Variants in CFAP61 observed in about 807,000 individuals in gnomAD.
The protein encoded by CFAP61 is cilia and flagella associated protein 61.
In CFAP61, 107 loss-of-function variants were observed where a neutral mutation model predicts 135.6. The observed-to-expected ratio is 0.79, with a 90% CI of 0.67 to 0.93. The LOEUF is 0.93. Among genes scored for constraint, CFAP61 ranks in the 40% least tolerant of loss-of-function variants. The pLI, the probability that CFAP61 is intolerant of heterozygous loss-of-function variation, is 0.00. For missense variants in CFAP61, 1,507 were observed against 1,556.2 expected (o/e 0.97, Z 0.53); for synonymous variants, 575 against 578.5 (o/e 0.99, Z 0.09).
intron 8 of CFAP61, among the ~76,000 whole-genome samples, chr20:20,116,395 T>G (rs2049142862): frequency 6.6e-6 from 1 of 152,218 alleles, no homozygotes; most frequent in South Asian, 2.1e-4. Flanking sequence ...TTCACTTTGT[T>G]GATTGTCTCC....
chr20:20,069,246 T>C (rs1356507467), intron 2 of CFAP61, among the ~76,000 whole-genome samples: 2 of 152,308 alleles, frequency 1.3e-5, no homozygotes, highest in South Asian at 2.1e-4. Flanking sequence ...ACAAATAGTA[T>C]AGGTTGTGAG....
rs758593564 is a variant in CFAP61 at position 20,164,165 on chromosome 20, A to G, written c.1142A>G (p.Tyr381Cys). ...PEEPVHFRPI[Y>C]RGASAAFCIQ... ...GAGCCCGTCCACTTCCGCCCCATCT[A>G]CAGGGGAGCCTCAGCTGCTTTTTGT... Residue 381 changes from tyrosine to cysteine, a missense_variant, in exon 11 of 27, where the codon TAC (tyrosine) becomes TGC (cysteine). Tyr to Cys is a radical substitution (Grantham distance 194). Coordinates refer to ENST00000245957, the MANE Select transcript of CFAP61 (RefSeq NM_015585.4). 1.9e-6 allele frequency: 3 copies of G among 1,614,112 alleles called. No individual in the cohort carries two copies. Among genetic ancestry groups the G allele is most frequent in the African/African-American group, 1.3e-5 (1 of 75,058 alleles).
At chr20:20,252,905 C>T (rs1426900209) in intron 20 of CFAP61, among the ~76,000 whole-genome samples, 1 of 152,188 alleles carries the variant, frequency 6.6e-6, no homozygotes, top group African/African-American at 2.4e-5. Context: ...TAGGCTCCGC[C>T]CCCAGAGGTT....
chr20:20,266,773 A>C (rs938528010), intron 21 of CFAP61, among the ~76,000 whole-genome samples: 12 of 152,146 alleles, frequency 7.9e-5, no homozygotes, highest in Non-Finnish European at 1.2e-4. Flanking sequence ...TTGGGTTCAA[A>C]TCTTGGGTCT....
chr20:20,178,057 C>T (rs189948762), intron 13 of CFAP61, among the ~76,000 whole-genome samples: 141 of 152,320 alleles, frequency 9.3e-4, no homozygotes, highest in Non-Finnish European at 1.3e-3. Flanking sequence ...TTTCATTCTT[C>T]TTCCCTTGGG....
chr20:20,189,965 A>G (rs1365720832), intron 14 of CFAP61, among the ~76,000 whole-genome samples: 1 of 152,024 alleles, frequency 6.6e-6, no homozygotes, highest in Admixed American at 6.5e-5. Context: ...TTGAATTTTT[A>G]GTAGAGATGG....
rs183182069 is a variant in CFAP61 at position 20,317,531 on chromosome 20, G to A, written c.3422+19145G>A. 1.3e-4 allele frequency among the ~76,000 whole-genome samples: 20 copies of A among 152,226 alleles called. No individual in the cohort carries two copies. The South Asian group carries it at 2.3e-3, about 17-fold the overall frequency. On this transcript the variant is annotated intron_variant, in intron 25 of 26. Transcript: ENST00000245957. Reference sequence around the variant, plus strand: ...AAAGATACTTTTTGTCACCTTCTTCGCAAACCTTAAGTTGTGTTTTGTGAC... The same window carrying A: ...AAAGATACTTTTTGTCACCTTCTTCACAAACCTTAAGTTGTGTTTTGTGAC...
intron 9 of CFAP61, among the ~76,000 whole-genome samples, chr20:20,145,926 A>G (rs1465462705): frequency 6.6e-6 from 1 of 152,266 alleles, no homozygotes; most frequent in Non-Finnish European, 1.5e-5. Context: ...CCTCTCAATA[A>G]TTGATAGAAT....
chr20:20,123,747 G>A (rs2049850280), intron 8 of CFAP61, among the ~76,000 whole-genome samples: 1 of 151,550 alleles, frequency 6.6e-6, no homozygotes. Flanking sequence ...TTTTAGAATT[G>A]TATTTTCTAA....
intron 12 of CFAP61, among the ~76,000 whole-genome samples, chr20:20,168,698 C>G (rs1306038744): frequency 6.6e-6 from 1 of 152,144 alleles, no homozygotes; most frequent in Admixed American, 6.5e-5. Context: ...GTCTACTGTA[C>G]TGACAGGGCA....
At chr20:20,279,902 CG>C (rs2054061774) in intron 22 of CFAP61, among the ~76,000 whole-genome samples, 1 of 151,978 alleles carries the variant, frequency 6.6e-6, no homozygotes, top group Non-Finnish European at 1.5e-5. Flanking sequence ...ACATGGGAAG[CG>C]GGGAGTCAGG....
At chr20:20,168,430 G>A (rs2207097) in intron 12 of CFAP61, among the ~76,000 whole-genome samples, 136,940 of 152,234 alleles carry the variant, frequency 0.9, 62,413 homozygotes, top group Middle Eastern at 0.99. Flanking sequence ...TCTTTTTCTC[G>A]TACTGAGTCT....
chr20:20,288,677 T>C lies in CFAP61; in HGVS notation c.2865T>C (p.Leu955=). The C allele has an allele frequency of 5.0e-6, 8 of 1,614,120 alleles. No individual in the cohort carries two copies. Among genetic ancestry groups the C allele is most frequent in the Non-Finnish European group, 6.8e-6 (8 of 1,179,974 alleles). ...TTAAAGCCCTCAATGATGCATGTCT[T>C]GTGTATGACAGTCGACTTGTGATTG... is the stretch of plus-strand genomic sequence containing the variant. ...ETFKALNDAC[L]VYDSRLVIDT... Residue 955 remains leucine, a synonymous_variant, in exon 23 of 27, where the codon CTT becomes CTC. Transcript: ENST00000245957.
intron 25 of CFAP61, among the ~76,000 whole-genome samples, chr20:20,304,047 T>G (rs1316545301): frequency 6.6e-6 from 1 of 152,074 alleles, no homozygotes; most frequent in Non-Finnish European, 1.5e-5. Context: ...CCTGGCTGCC[T>G]GCAAGGGGCT....
chr20:20,199,916 C>T lies in CFAP61; in HGVS notation c.1932+14C>T, dbSNP rs751173114. 27 of 1,613,350 alleles carry T rather than the reference C, an allele frequency of 1.7e-5. No individual in the cohort carries two copies. The highest frequency in any genetic ancestry group is 4.5e-5 in the East Asian group (2 of 44,870). ...TCCAAGGATCCGGTGGGTAGCAGGG[C>T]GGCAGGCAGGGCGGCGCGGTGCCAG... is the stretch of plus-strand genomic sequence containing the variant. On this transcript the variant is annotated intron_variant, in intron 17 of 26. Transcript: ENST00000245957.
At chr20:20,215,692 T>C (rs1295913306) in intron 17 of CFAP61, among the ~76,000 whole-genome samples, 1 of 152,216 alleles carries the variant, frequency 6.6e-6, no homozygotes, top group African/African-American at 2.4e-5. Context: ...ATTTCTAGTT[T>C]TGAAAGGTTT....
At chr20:20,086,305 A>G (rs1354516656) in intron 6 of CFAP61, among the ~76,000 whole-genome samples, 1 of 125,514 alleles carries the variant, frequency 8.0e-6, no homozygotes, top group East Asian at 2.9e-4. Context: ...TCCTAATGCT[A>G]TCCCTCCCCC....
At chr20:20,055,920 G>A (rs766104763) in intron 1 of CFAP61, 5 of 1,542,062 alleles carry the variant, frequency 3.2e-6, no homozygotes, top group Non-Finnish European at 3.6e-6. Context: ...GACAATGAGA[G>A]AGAAATTGAA....
intron 24 of CFAP61, among the ~76,000 whole-genome samples, 179 bp downstream of exon 24, chr20:20,290,570 T>C (rs7262878): frequency 0.15 from 22,874 of 152,220 alleles, 1,942 homozygotes; most frequent in Middle Eastern, 0.2. Flanking sequence ...CTTCATGCCC[T>C]TGTGTGGCTC....
Sources: gnomAD v4.1 joint callset for allele counts (sites outside exome capture counted in the v4.1 genomes callset) on GRCh38, gnomAD v4.1.1 for gene constraint, MANE v1.5 for transcripts, NCBI Gene and HGNC (gene_info 2026-07-23, HGNC 2026-07-21) for gene names.